SPON1: variants seen among roughly 807,000 people sequenced by gnomAD.
SPON1 encodes the protein spondin-1.
Under a neutral mutation model 111.7 loss-of-function variants are expected in SPON1, and 52 were observed. That is an observed-to-expected ratio of 0.47 (90% confidence interval 0.37 to 0.59). SPON1 has a LOEUF of 0.59. Among genes scored for constraint, SPON1 ranks in the 20% least tolerant of loss-of-function variants. The pLI, the probability that SPON1 is intolerant of heterozygous loss-of-function variation, is 0.00. For synonymous variants in SPON1, 410 were observed against 395.8 expected, an observed-to-expected ratio of 1.04 and a Z score of -0.43; for missense variants, 957 against 1,068.5, an observed-to-expected ratio of 0.90 and a Z score of 1.46.
chr11:13,979,588 C>G (rs1040930591), intron 1 of SPON1, among the ~76,000 whole-genome samples: 1 of 152,252 alleles, frequency 6.6e-6, no homozygotes, highest in African/African-American at 2.4e-5. Context: ...TAGTTTCAGT[C>G]AGATCCTGCG....
chr11:14,176,666 G>A (rs1319184273), intron 6 of SPON1, among the ~76,000 whole-genome samples: 1 of 152,178 alleles, frequency 6.6e-6, no homozygotes, highest in Non-Finnish European at 1.5e-5. Flanking sequence ...GACATCTCAG[G>A]ACTATTTCTC....
chr11:13,997,542 T>C (rs1848283378), intron 2 of SPON1, among the ~76,000 whole-genome samples: 1 of 152,178 alleles, frequency 6.6e-6, no homozygotes, highest in African/African-American at 2.4e-5. Flanking sequence ...CAGCCTAGGG[T>C]GCATTTTCCA....
At chr11:14,247,598 G>A (rs1413992495) in intron 7 of SPON1, among the ~76,000 whole-genome samples, 3 of 152,208 alleles carry the variant, frequency 2.0e-5, no homozygotes, top group African/African-American at 7.2e-5. Flanking sequence ...TGGAAAAGGA[G>A]AGAGGTACAG....
intron 6 of SPON1, among the ~76,000 whole-genome samples, chr11:14,144,634 C>CAAT (rs71041573): frequency 0.028 from 4,001 of 142,904 alleles, 61 homozygotes; most frequent in South Asian, 0.054. Context: ...ACTCCATCTC[C>CAAT]AATAATAATA....
intron 5 of SPON1, among the ~76,000 whole-genome samples, chr11:14,087,275 G>A (rs1849014525): frequency 6.6e-6 from 1 of 152,014 alleles, no homozygotes; most frequent in East Asian, 1.9e-4. Context: ...TTCTGATGTG[G>A]GATTTTGTGC....
intron 2 of SPON1, among the ~76,000 whole-genome samples, chr11:13,994,416 T>C (rs1554911541): frequency 6.6e-6 from 1 of 152,040 alleles, no homozygotes; most frequent in Non-Finnish European, 1.5e-5. Context: ...TTCTAATATG[T>C]ATTGCCAAGA....
Position 14,244,978 on chromosome 11 carries a change from G to A in SPON1, c.890+1582G>A, listed in dbSNP as rs566329034. 7.2e-5 allele frequency among the ~76,000 whole-genome samples: 11 copies of A among 152,166 alleles called. No homozygotes were observed. In the East Asian group the frequency reaches 1.2e-3, roughly 16 times the overall value. ...TTGATTTTGCTCATCCTTTAAAGAC[G>A]CAAGGCCTGGAGACTGACCCCAAGA... On this transcript the variant is annotated intron_variant, in intron 7 of 15. Coordinates refer to ENST00000576479, the MANE Select transcript of SPON1 (RefSeq NM_006108.4).
intron 5 of SPON1, among the ~76,000 whole-genome samples, chr11:14,113,176 A>G (rs1343007969): frequency 2.0e-5 from 3 of 152,222 alleles, no homozygotes; most frequent in African/African-American, 7.2e-5. Flanking sequence ...GAAACTCAAA[A>G]AAGCACTAAG....
intron 2 of SPON1, among the ~76,000 whole-genome samples, chr11:13,994,534 T>A (rs1197165074): frequency 5.9e-5 from 9 of 151,978 alleles, no homozygotes; most frequent in African/African-American, 2.2e-4. Flanking sequence ...GAAACAGACA[T>A]ATGAGATCAG....
intron 1 of SPON1, among the ~76,000 whole-genome samples, chr11:13,975,166 A>ATT (rs34603773): frequency 1.6e-4 from 25 of 152,028 alleles, no homozygotes; most frequent in Admixed American, 1.0e-3. Flanking sequence ...CTGTTGCTAT[A>ATT]TTTTTTCCCC....
At chr11:14,115,916 T>C (rs1221127128) in intron 5 of SPON1, among the ~76,000 whole-genome samples, 2 of 152,192 alleles carry the variant, frequency 1.3e-5, no homozygotes, top group African/African-American at 2.4e-5. Flanking sequence ...ATTGTTGATA[T>C]GGTTTTGTTT....
At chr11:14,246,826 G>A (rs147111909) in intron 7 of SPON1, among the ~76,000 whole-genome samples, 187 of 152,322 alleles carry the variant, frequency 1.2e-3, no homozygotes, top group African/African-American at 4.2e-3. Flanking sequence ...AAGGCATAAA[G>A]TGCCATTAGG....
At chr11:14,195,942 A>G (rs1252608076) in intron 6 of SPON1, among the ~76,000 whole-genome samples, 1 of 152,218 alleles carries the variant, frequency 6.6e-6, no homozygotes, top group Non-Finnish European at 1.5e-5. Flanking sequence ...TAGTGCTTTT[A>G]ATACATACTA....
At chr11:14,075,796 C>A (rs1336328366) in intron 4 of SPON1, among the ~76,000 whole-genome samples, 1 of 152,146 alleles carries the variant, frequency 6.6e-6, no homozygotes, top group Non-Finnish European at 1.5e-5. Context: ...CCAGCAAGAT[C>A]TTGTGTGGCA....
intron 5 of SPON1, among the ~76,000 whole-genome samples, chr11:14,115,301 A>G (rs141893040): frequency 1.5e-3 from 227 of 152,324 alleles, no homozygotes; most frequent in African/African-American, 5.0e-3. Context: ...TAACATATAC[A>G]CAGAAAAGTG....
At chr11:14,133,649 A>G (rs1554927762) in intron 5 of SPON1, among the ~76,000 whole-genome samples, 2 of 152,208 alleles carry the variant, frequency 1.3e-5, no homozygotes, top group African/African-American at 4.8e-5. Context: ...CTGTGTCCAC[A>G]TCACGAACCT....
chr11:14,178,045 AACACACAC>A (rs5789825), intron 6 of SPON1, among the ~76,000 whole-genome samples: 5 of 142,606 alleles, frequency 3.5e-5, no homozygotes, highest in African/African-American at 1.3e-4. Flanking sequence ...CACACACACA[AACACACAC>A]ACACACACAC....
At position 14,041,516 on chromosome 11, in the gene SPON1, C is replaced by G; in HGVS notation, c.346-5C>G. The G allele has an allele frequency of 6.2e-7, 1 of 1,613,402 alleles. No individual in the cohort carries two copies. Among genetic ancestry groups the G allele is most frequent in the Non-Finnish European group, 8.5e-7 (1 of 1,179,612 alleles). On this transcript the variant is annotated splice_region_variant and splice_polypyrimidine_tract_variant and intron_variant, in intron 2 of 15. Coordinates refer to ENST00000576479, the MANE Select transcript of SPON1 (RefSeq NM_006108.4). ...ATGTATTTATTTCCCACTGGTTTTC[C>G]GTAGATCATAGACGAAGAAGAAACT...
intron 6 of SPON1, among the ~76,000 whole-genome samples, chr11:14,139,954 G>C (rs988574449): frequency 6.6e-6 from 1 of 152,174 alleles, no homozygotes; most frequent in South Asian, 2.1e-4. Flanking sequence ...AAAAAGACTA[G>C]TGTGACACAA....
Sources: gnomAD v4.1 joint callset for allele counts (sites outside exome capture counted in the v4.1 genomes callset) on GRCh38, gnomAD v4.1.1 for gene constraint, MANE v1.5 for transcripts, NCBI Gene and HGNC (gene_info 2026-07-23, HGNC 2026-07-21) for gene names.